Variants in WDR70 observed in about 807,000 individuals in gnomAD.
WDR70 encodes WD repeat-containing protein 70.
In WDR70, 53 loss-of-function variants were observed where a neutral mutation model predicts 88.6. The ratio of observed to expected loss-of-function variants is 0.60; its 90% confidence interval spans 0.48 to 0.75. The LOEUF (loss-of-function observed/expected upper bound fraction) is 0.75. WDR70 is among the 30% of genes least tolerant of loss of function. WDR70 has a pLI of 0.00. For missense variants in WDR70, 610 were observed against 823.2 expected, an observed-to-expected ratio of 0.74 and a Z score of 3.17; for synonymous variants, 280 against 270.0, an observed-to-expected ratio of 1.04 and a Z score of -0.36.
intron 9 of WDR70, among the ~76,000 whole-genome samples, chr5:37,527,471 C>A (rs1431987050): frequency 1.3e-5 from 2 of 152,160 alleles, no homozygotes; most frequent in Admixed American, 6.5e-5. Flanking sequence ...ATACCTTATA[C>A]AAAAATTAAT....
chr5:37,474,246 A>G (rs548970594), intron 7 of WDR70, among the ~76,000 whole-genome samples: 2 of 152,312 alleles, frequency 1.3e-5, no homozygotes, highest in Admixed American at 6.5e-5. Context: ...ACAGATTTGC[A>G]TATGTCAATT....
chr5:37,613,390 A>G (rs1744242502), intron 10 of WDR70, among the ~76,000 whole-genome samples: 1 of 152,220 alleles, frequency 6.6e-6, no homozygotes, highest in Admixed American at 6.5e-5. Flanking sequence ...ATCAAGATTC[A>G]TTTGGAAGCT....
chr5:37,553,757 T>A (rs561886547), intron 9 of WDR70, among the ~76,000 whole-genome samples: 1 of 152,350 alleles, frequency 6.6e-6, no homozygotes, highest in African/African-American at 2.4e-5. Context: ...GAGGACAGGC[T>A]CTGGAGCCAG....
At position 37,506,636 on chromosome 5, in the gene WDR70, C is replaced by T. The variant is rs1015559378; in HGVS notation, c.841-9878C>T. 5.1e-6 allele frequency: 4 copies of T among 778,914 alleles called. No individual in the cohort carries two copies. The African/African-American group carries it at 6.8e-5, about 13-fold the overall frequency. The allele number at this position is 778,914 out of a possible 1,614,324, so 48.3% of individuals were successfully genotyped here. ...ATCCTTCAGGAGGCTTAGAATCTGT[C>T]TGAAGATCAATAAATGGCTCTCCCT... On this transcript the variant is annotated intron_variant, in intron 8 of 17. Coordinates refer to ENST00000265107, the MANE Select transcript of WDR70 (RefSeq NM_018034.4).
At chr5:37,697,832 A>T (rs1385310865) in intron 11 of WDR70, 78 bp downstream of exon 11, 28 of 1,252,876 alleles carry the variant, frequency 2.2e-5, no homozygotes, top group Non-Finnish European at 3.1e-5. Flanking sequence ...ATAATATCCT[A>T]GTGCTTAGTA....
At chr5:37,622,752 G>A (rs1744548054) in intron 10 of WDR70, among the ~76,000 whole-genome samples, 1 of 151,686 alleles carries the variant, frequency 6.6e-6, no homozygotes, top group African/African-American at 2.4e-5. Flanking sequence ...GGGGTGGGGG[G>A]AGCGGGGAGG....
intron 8 of WDR70, among the ~76,000 whole-genome samples, chr5:37,481,651 T>C (rs989902504): frequency 2.0e-5 from 3 of 152,186 alleles, no homozygotes; most frequent in African/African-American, 7.2e-5. Context: ...GAGGGTCTGC[T>C]GTGAGGGTCT....
In WDR70 at chr5:37,462,320, T is replaced by C. The variant is rs542730069; in HGVS notation, c.687-17514T>C. On this transcript the variant is annotated intron_variant, in intron 7 of 17. Coordinates refer to ENST00000265107, the MANE Select transcript of WDR70 (RefSeq NM_018034.4). ...TTAATTAATTAATTAATTAATTTTT[T>C]GAGACAGAGTCTCGCTCATTCGCCC... 3.2e-4 allele frequency among the ~76,000 whole-genome samples: 49 copies of C among 152,292 alleles called. 1 individual carries two copies. The East Asian group carries it at 8.9e-3, about 28-fold the overall frequency.
At chr5:37,687,648 T>C (rs1407513726) in intron 10 of WDR70, among the ~76,000 whole-genome samples, 1 of 152,174 alleles carries the variant, frequency 6.6e-6, no homozygotes. Context: ...CTCCTCATAC[T>C]ACAGCAAGAC....
intron 9 of WDR70, among the ~76,000 whole-genome samples, chr5:37,570,564 G>A (rs1466385542): frequency 6.6e-5 from 10 of 152,008 alleles, no homozygotes; most frequent in African/African-American, 2.4e-4. Context: ...AGGAAATGAC[G>A]ATATTTAAGA....
At chr5:37,565,878 A>G (rs891330096) in intron 9 of WDR70, among the ~76,000 whole-genome samples, 1 of 152,118 alleles carries the variant, frequency 6.6e-6, no homozygotes, top group Non-Finnish European at 1.5e-5. Context: ...AGCATATTAG[A>G]TATGGAATCA....
intron 10 of WDR70, among the ~76,000 whole-genome samples, chr5:37,667,329 AG>A (rs1745883791): frequency 6.6e-6 from 1 of 152,212 alleles, no homozygotes; most frequent in African/African-American, 2.4e-5. Context: ...CACATACCCC[AG>A]GAGGCTTTCT....
chr5:37,407,868 C>G (rs1295760136), intron 5 of WDR70, among the ~76,000 whole-genome samples: 1 of 151,978 alleles, frequency 6.6e-6, no homozygotes, highest in Non-Finnish European at 1.5e-5. Flanking sequence ...CAGTATGATG[C>G]TGCCTCCCAT....
chr5:37,565,020 A>G (rs1447764590), intron 9 of WDR70, among the ~76,000 whole-genome samples: 1 of 152,328 alleles, frequency 6.6e-6, no homozygotes, highest in East Asian at 1.9e-4. Flanking sequence ...AAAATAAGTT[A>G]TTACAGAGCC....
At chr5:37,498,024 G>A (rs1403284337) in intron 8 of WDR70, among the ~76,000 whole-genome samples, 1 of 152,126 alleles carries the variant, frequency 6.6e-6, no homozygotes, top group Non-Finnish European at 1.5e-5. Context: ...ATTTCGCCAT[G>A]TTGTCCAGGC....
intron 10 of WDR70, among the ~76,000 whole-genome samples, chr5:37,692,579 G>T (rs960533214): frequency 6.6e-5 from 10 of 152,246 alleles, no homozygotes; most frequent in Admixed American, 4.6e-4. Context: ...ATCAATAAAT[G>T]TAATCCCTCA....
intron 10 of WDR70, among the ~76,000 whole-genome samples, chr5:37,679,984 C>T (rs1193461283): frequency 1.3e-5 from 2 of 152,240 alleles, no homozygotes; most frequent in Admixed American, 6.5e-5. Context: ...AGTTTGATCT[C>T]ACACTGCGAC....
rs76532294 is a variant in WDR70 at position 37,513,038 on chromosome 5, C to A, written c.841-3476C>A. 9.7e-3 allele frequency among the ~76,000 whole-genome samples: 1,484 copies of A among 152,250 alleles called. 34 individuals carry two copies. The highest frequency in any genetic ancestry group is 0.035 in the African/African-American group (1,437 of 41,548). ...GGGTATTCCCTTCTGTTTATTCTTT[C>A]AGTATATGTGTTACTAATTTGAAAT... On this transcript the variant is annotated intron_variant, in intron 8 of 17. Transcript: ENST00000265107.
intron 3 of WDR70, among the ~76,000 whole-genome samples, chr5:37,389,297 GAGACC>G (rs1748734916): frequency 8.3e-6 from 1 of 121,042 alleles, no homozygotes; most frequent in African/African-American, 7.5e-5. Flanking sequence ...TTCACCTGTC[GAGACC>G]AGGCTGGTCT....
Sources: allele counts gnomAD v4.1 joint callset (sites outside exome capture counted in the v4.1 genomes callset), GRCh38; gene constraint gnomAD v4.1.1; transcripts MANE v1.5; gene names NCBI Gene and HGNC (gene_info 2026-07-23, HGNC 2026-07-21).